The following RPF2 variants were observed in gnomAD, a reference collection of about 807,000 sequenced individuals.
RPF2 encodes brix domain containing 1.
In RPF2, 21 loss-of-function variants were observed where a neutral mutation model predicts 38.9. That is an observed-to-expected ratio of 0.54 (90% CI 0.38 to 0.78). RPF2 has a LOEUF of 0.78. RPF2 is among the 30% of genes least tolerant of loss of function. The pLI is 0.00. For synonymous variants in RPF2, 121 were observed against 126.2 expected (o/e 0.96, Z 0.28); for missense variants, 314 against 358.1 (o/e 0.88, Z 0.99).
rs780029895 is a variant in RPF2 at position 111,025,361 on chromosome 6, T to G, written c.742-42T>G. On this transcript the variant is annotated intron_variant, in intron 9 of 9. Transcript: ENST00000441448. ...AGACTAGATTTTTACTGGCTCATTA[T>G]AGTAGAAGGCCATTAAATATATACA... The G allele has an allele frequency of 2.9e-6, 4 of 1,372,724 alleles. No individual in the cohort carries two copies. The South Asian group carries it at 5.1e-5, about 17-fold the overall frequency. 85.0% of individuals were successfully genotyped at this position (1,372,724 alleles called of 1,614,324 possible).
At chr6:111,002,031 G>A (rs1771819065) in intron 6 of RPF2, among the ~76,000 whole-genome samples, 2 of 152,172 alleles carry the variant, frequency 1.3e-5, no homozygotes. Context: ...TGTAATCCCA[G>A]TAGCTTGGGA....
At chr6:111,024,799 A>G (rs780696734) in intron 9 of RPF2, among the ~76,000 whole-genome samples, 1 of 152,134 alleles carries the variant, frequency 6.6e-6, no homozygotes, top group Non-Finnish European at 1.5e-5. Flanking sequence ...AGAGAACCAA[A>G]TAAGCCAACA....
In RPF2 at chr6:111,008,035, T is replaced by TTAA; in HGVS notation, c.394-3_394-2insTAA. ...TATAATTGCTTTTTTTTTTTTTTTT[T>TTAA]AGAACAGTAAATGTCCTGAGGGAAC... is the stretch of plus-strand genomic sequence containing the variant. On this transcript the variant is annotated splice_region_variant and splice_polypyrimidine_tract_variant and intron_variant, in intron 6 of 9. Coordinates refer to ENST00000441448, the MANE Select transcript of RPF2 (RefSeq NM_032194.3). 6.4e-7 allele frequency: 1 copy of TTAA among 1,553,072 alleles called. No individual in the cohort carries two copies.
intron 1 of RPF2, among the ~76,000 whole-genome samples, chr6:110,984,542 C>CA (rs1771490786): frequency 1.3e-5 from 2 of 151,822 alleles, no homozygotes; most frequent in Middle Eastern, 3.2e-3. Flanking sequence ...TAATATCTAC[C>CA]AAAAAAGTGA....
rs1196259377 is a variant in RPF2, at chr6:111,020,467, G to A, written c.597-3716G>A. ...AAACTCTTCTGTGTTGAACGGTTTC[G>A]CAGAAAGTATTCACTTGTATTTAGT... On this transcript the variant is annotated intron_variant, in intron 8 of 9. Transcript: ENST00000441448. Among the ~76,000 whole-genome samples the A allele has an allele frequency of 3.3e-5, 5 of 152,282 alleles. No individual in the cohort carries two copies. In the Middle Eastern group the frequency reaches 0.01, roughly 311 times the overall value.
chr6:111,008,538 T>G (rs941889721), intron 7 of RPF2, among the ~76,000 whole-genome samples: 11 of 152,142 alleles, frequency 7.2e-5, no homozygotes, highest in Admixed American at 3.3e-4. Context: ...GTATAGTGTT[T>G]TATAAAATTC....
chr6:111,007,960 A>G, intron 6 of RPF2, 78 bp from the exon 7 acceptor site: 1 of 1,405,996 alleles, frequency 7.1e-7, no homozygotes, highest in Non-Finnish European at 9.4e-7. Context: ...AAAAATAAAT[A>G]AAAATAAAAA....
chr6:111,024,704 C>CA (rs397737242), intron 9 of RPF2, among the ~76,000 whole-genome samples: 26,869 of 88,810 alleles, frequency 0.3, 3,074 homozygotes, highest in African/African-American at 0.38. Context: ...CAGAGTGAGC[C>CA]AAAAAAAAAA....
chr6:110,985,097 G>A lies in RPF2; in HGVS notation c.115G>A (p.Gly39Arg), dbSNP rs752257582. The A allele has an allele frequency of 9.3e-6, 15 of 1,613,522 alleles. No homozygotes were observed. The highest frequency in any genetic ancestry group is 1.1e-5 in the Non-Finnish European group (13 of 1,179,732). The change falls in exon 2 of 10, where the codon GGA becomes AGA. Residue 39 changes from glycine to arginine, a missense_variant. Gly to Arg is a moderately radical substitution (Grantham distance 125). Coordinates refer to ENST00000441448, the MANE Select transcript of RPF2 (RefSeq NM_032194.3). The stretch of plus-strand genomic sequence containing the variant: ...TAAAAATGCCATGCTGATTAAAGGG[G>A]GAAATGCAAATGCAACAGTGACAAA... Reference protein sequence around the residue: ...NIKNAMLIKGGNANATVTKVL... With the variant: ...NIKNAMLIKGRNANATVTKVL...
chr6:110,998,714 G>A (rs754475869), intron 5 of RPF2, among the ~76,000 whole-genome samples: 2 of 152,088 alleles, frequency 1.3e-5, no homozygotes, highest in South Asian at 2.1e-4. Context: ...AATGTCAGGC[G>A]ACCATCAGGT....
Position 110,989,523 on chromosome 6 carries a change from T to C in RPF2, c.194+458T>C, listed in dbSNP as rs193213271. 8.5e-5 allele frequency among the ~76,000 whole-genome samples: 13 copies of C among 152,236 alleles called. No homozygotes were observed. In the East Asian group the frequency reaches 2.5e-3, roughly 29 times the overall value. On this transcript the variant is annotated intron_variant, in intron 3 of 9. Coordinates refer to ENST00000441448, the MANE Select transcript of RPF2 (RefSeq NM_032194.3). ...TGGAGTGCAGTGGCATGATCTCTGCTCACTACAACCTCTAACTCTGGGTTC... is the reference window on the plus strand; with the variant it reads ...TGGAGTGCAGTGGCATGATCTCTGCCCACTACAACCTCTAACTCTGGGTTC...
intron 3 of RPF2, among the ~76,000 whole-genome samples, chr6:110,990,223 C>T (rs1771595125): frequency 6.6e-6 from 1 of 152,012 alleles, no homozygotes; most frequent in Admixed American, 6.6e-5. Flanking sequence ...CAGGCGTGAG[C>T]CACCGTGCCC....
chr6:110,982,525 T>C, intron 1 of RPF2: 6 of 225,992 alleles, frequency 2.7e-5, no homozygotes, highest in South Asian at 1.5e-4. Context: ...TCTCTAAATC[T>C]TAGCTTATTC....
intron 8 of RPF2, 117 bp downstream of exon 8, chr6:111,015,973 G>T: frequency 1.3e-6 from 1 of 743,810 alleles, no homozygotes; most frequent in Non-Finnish European, 2.3e-6. Context: ...TTCTTGGAGA[G>T]TTGGCAGGAT....
intron 6 of RPF2, among the ~76,000 whole-genome samples, chr6:111,006,777 T>G (rs1771915870): frequency 6.6e-6 from 1 of 152,094 alleles, no homozygotes; most frequent in Non-Finnish European, 1.5e-5. Context: ...CAGCTAATTT[T>G]TAAAAGTTTT....
rs1772348769 is a variant in RPF2 at position 111,027,264 on chromosome 6, A to C, written c.*1682A>C. 1 of 152,182 alleles carries C rather than the reference A, an allele frequency of 6.6e-6. No homozygotes were observed. The highest frequency in any genetic ancestry group is 1.5e-5 in the Non-Finnish European group (1 of 68,034). The allele number at this position is 152,182 out of a possible 1,614,324, so 9.4% of individuals were successfully genotyped here. On this transcript the variant is annotated 3_prime_UTR_variant, in exon 10 of 10. Transcript: ENST00000441448. ...GGATAGCTGTTACTCTCCTCTTGCC[A>C]GAAAAATGAAGGAGCTGGTATCATT...
rs57047497 is a variant in RPF2, at chr6:111,018,634, CAG to C, written c.596+2782_596+2783del. Among the ~76,000 whole-genome samples the C allele has an allele frequency of 0.046, 7,036 of 152,198 alleles. 834 individuals are homozygous for C. The East Asian group carries it at 0.52, about 11-fold the overall frequency. ...CATCTTGGGCTCAACTGTATTAAAT[CAG>C]AGACATTTAGTTCTTTTTCTCCATA... On this transcript the variant is annotated intron_variant, in intron 8 of 9. Transcript: ENST00000441448.
At chr6:111,014,000 A>G (rs1488083430) in intron 7 of RPF2, among the ~76,000 whole-genome samples, 1 of 151,704 alleles carries the variant, frequency 6.6e-6, no homozygotes. Flanking sequence ...TATATGTAGT[A>G]TATGTACTTT....
intron 4 of RPF2, among the ~76,000 whole-genome samples, chr6:110,994,110 CTA>C (rs1228614711): frequency 6.6e-6 from 1 of 152,088 alleles, no homozygotes; most frequent in Non-Finnish European, 1.5e-5. Context: ...AACCCTGTCT[CTA>C]TTAAAAATAC....
Sources: allele counts gnomAD v4.1 joint callset (sites outside exome capture counted in the v4.1 genomes callset), GRCh38; gene constraint gnomAD v4.1.1; transcripts MANE v1.5; gene names NCBI Gene and HGNC (gene_info 2026-07-23, HGNC 2026-07-21).